The following CAMKMT variants were observed in gnomAD, a reference collection of about 807,000 sequenced individuals.
The protein encoded by CAMKMT is CaM KMT.
CAMKMT carries 53 observed loss-of-function variants against 48.0 expected under a neutral mutation model. The ratio of observed to expected loss-of-function variants is 1.10; its 90% CI spans 0.89 to 1.39. The LOEUF (loss-of-function observed/expected upper bound fraction) is 1.39, where lower values mean the gene tolerates loss of function less well. CAMKMT is among the 40% of genes most tolerant of loss of function. The pLI, the probability that CAMKMT is intolerant of heterozygous loss-of-function variation, is 0.00. For missense variants in CAMKMT, 428 were observed against 402.7 expected, an observed-to-expected ratio of 1.06 and a Z score of -0.54; for synonymous variants, 165 against 152.3, an observed-to-expected ratio of 1.08 and a Z score of -0.61.
intron 3 of CAMKMT, among the ~76,000 whole-genome samples, chr2:44,472,004 C>CAAA (rs1668444683): frequency 6.6e-6 from 1 of 152,052 alleles, no homozygotes; most frequent in Non-Finnish European, 1.5e-5. Flanking sequence ...TCAAATAGTA[C>CAAA]TTTAAGGGGT....
At chr2:44,661,032 T>A (rs565937709) in intron 3 of CAMKMT, among the ~76,000 whole-genome samples, 1 of 152,214 alleles carries the variant, frequency 6.6e-6, no homozygotes, top group South Asian at 2.1e-4. Context: ...TTTTTTACCC[T>A]TCCAATCTAT....
chr2:44,607,943 C>A (rs1465990700), intron 3 of CAMKMT, among the ~76,000 whole-genome samples: 1 of 151,960 alleles, frequency 6.6e-6, no homozygotes, highest in African/African-American at 2.4e-5. Context: ...TCTTATTCCA[C>A]TTATATCTCC....
At chr2:44,529,737 A>G (rs990525927) in intron 3 of CAMKMT, among the ~76,000 whole-genome samples, 2 of 152,232 alleles carry the variant, frequency 1.3e-5, no homozygotes, top group Non-Finnish European at 2.9e-5. Flanking sequence ...TAGTATTTCT[A>G]TCAAAGAAAT....
At chr2:44,374,787 A>G (rs1279502431) in intron 2 of CAMKMT, among the ~76,000 whole-genome samples, 4 of 152,226 alleles carry the variant, frequency 2.6e-5, no homozygotes, top group Non-Finnish European at 2.9e-5. Context: ...TGGAAAAAAG[A>G]CACGTGACTG....
At chr2:44,666,612 CT>C (rs1293884982) in intron 3 of CAMKMT, among the ~76,000 whole-genome samples, 19,189 of 133,766 alleles carry the variant, frequency 0.14, 1,350 homozygotes, top group African/African-American at 0.27. Flanking sequence ...CTCCTGGAAT[CT>C]TTTTTTTTTT....
rs999527128 is a variant in CAMKMT at position 44,720,082 on chromosome 2, G to T, written c.623+4729G>T. Among the ~76,000 whole-genome samples, 5 of 152,182 alleles carry T rather than the reference G, an allele frequency of 3.3e-5. No individual in the cohort carries two copies. The East Asian group carries it at 9.6e-4, about 29-fold the overall frequency. On this transcript the variant is annotated intron_variant, in intron 7 of 10. Transcript: ENST00000378494. ...ATTTGCTTAACAGGTTTATAGATGG[G>T]CTCATATCCCTACTATTTAGTGTTT...
intron 2 of CAMKMT, among the ~76,000 whole-genome samples, chr2:44,389,544 T>G (rs1269734696): frequency 6.6e-6 from 1 of 152,202 alleles, no homozygotes; most frequent in East Asian, 1.9e-4. Context: ...GGATTGTAGA[T>G]GGATTAGCAC....
intron 3 of CAMKMT, among the ~76,000 whole-genome samples, chr2:44,421,240 A>C (rs989076729): frequency 6.6e-6 from 1 of 152,152 alleles, no homozygotes; most frequent in Non-Finnish European, 1.5e-5. Context: ...TGATCTTGAA[A>C]GTTTTGAAGA....
At chr2:44,476,900 A>G (rs1168962743) in intron 3 of CAMKMT, among the ~76,000 whole-genome samples, 1 of 152,196 alleles carries the variant, frequency 6.6e-6, no homozygotes, top group African/African-American at 2.4e-5. Context: ...CTAGTACATG[A>G]CACATGGTGG....
intron 3 of CAMKMT, among the ~76,000 whole-genome samples, chr2:44,548,469 A>G (rs1267231744): frequency 6.6e-6 from 1 of 152,158 alleles, no homozygotes; most frequent in Non-Finnish European, 1.5e-5. Flanking sequence ...AATGGCCCCC[A>G]AGATTCCCGG....
chr2:44,604,678 T>C (rs1031532359), intron 3 of CAMKMT, among the ~76,000 whole-genome samples: 2 of 152,040 alleles, frequency 1.3e-5, no homozygotes, highest in Non-Finnish European at 2.9e-5. Context: ...ATTTTTTCAC[T>C]GTAAACTTTC....
At chr2:44,444,757 G>A (rs1325242308) in intron 3 of CAMKMT, among the ~76,000 whole-genome samples, 1 of 152,100 alleles carries the variant, frequency 6.6e-6, no homozygotes, top group African/African-American at 2.4e-5. Flanking sequence ...TTCCTTTTAG[G>A]GGAAGTAAGA....
intron 3 of CAMKMT, among the ~76,000 whole-genome samples, chr2:44,427,696 A>G (rs1009017579): frequency 6.6e-6 from 1 of 152,182 alleles, no homozygotes; most frequent in Non-Finnish European, 1.5e-5. Context: ...TAGCCTTCAA[A>G]TGTAAATTAA....
intron 1 of CAMKMT, among the ~76,000 whole-genome samples, chr2:44,366,412 C>T (rs1290509806): frequency 4.6e-5 from 7 of 152,096 alleles, no homozygotes; most frequent in Non-Finnish European, 8.8e-5. Context: ...TTTTGTTTCA[C>T]CTTTATTCTT....
intron 3 of CAMKMT, among the ~76,000 whole-genome samples, chr2:44,480,780 ACT>A (rs35514049): frequency 0.46 from 69,706 of 151,694 alleles, 18,030 homozygotes; most frequent in Non-Finnish European, 0.59. Context: ...ACATTTGTAA[ACT>A]CTATATTTTT....
chr2:44,386,733 C>T lies in CAMKMT; in HGVS notation c.312-3508C>T, dbSNP rs112219233. On this transcript the variant is annotated intron_variant, in intron 2 of 10. Coordinates refer to ENST00000378494, the MANE Select transcript of CAMKMT (RefSeq NM_024766.5). ...GTTGTGTCATTATTGTCATTCAGTT[C>T]GAAGAATTTTTTAATTTCCACCTTG... Among the ~76,000 whole-genome samples the T allele has an allele frequency of 2.2e-4, 33 of 152,092 alleles. 1 individual carries two copies. Among genetic ancestry groups the T allele is most frequent in the African/African-American group, 7.5e-4 (31 of 41,518 alleles).
At chr2:44,386,415 A>T (rs1414663289) in intron 2 of CAMKMT, among the ~76,000 whole-genome samples, 1 of 152,012 alleles carries the variant, frequency 6.6e-6, no homozygotes, top group Non-Finnish European at 1.5e-5. Context: ...TTTCTTGGTT[A>T]ATCTTGCTAA....
intron 3 of CAMKMT, among the ~76,000 whole-genome samples, chr2:44,535,288 G>C (rs977707489): frequency 1.3e-5 from 2 of 152,088 alleles, no homozygotes; most frequent in African/African-American, 4.8e-5. Context: ...AGGATTAATG[G>C]CTTCACTGCC....
intron 3 of CAMKMT, among the ~76,000 whole-genome samples, chr2:44,423,769 T>G (rs1184651820): frequency 6.6e-6 from 1 of 152,168 alleles, no homozygotes; most frequent in Non-Finnish European, 1.5e-5. Flanking sequence ...TAAAATAAAA[T>G]ATATTGAAGG....
Sources: gnomAD v4.1 joint callset for allele counts (sites outside exome capture counted in the v4.1 genomes callset) on GRCh38, gnomAD v4.1.1 for gene constraint, MANE v1.5 for transcripts, NCBI Gene and HGNC (gene_info 2026-07-23, HGNC 2026-07-21) for gene names.